The following GPC5 variants were observed in gnomAD, a reference collection of about 807,000 sequenced individuals.
GPC5 encodes the protein glypican-5.
GPC5 carries 47 observed loss-of-function variants against 53.9 expected under a neutral mutation model. That is an observed-to-expected ratio of 0.87 (90% CI 0.69 to 1.11). The LOEUF (loss-of-function observed/expected upper bound fraction) is 1.11. Among genes scored for constraint, GPC5 ranks in the 50% most tolerant of loss-of-function variants. GPC5 has a pLI of 0.00. For synonymous variants in GPC5, 286 were observed against 263.3 expected (o/e 1.09, Z -0.84); for missense variants, 748 against 713.1 (o/e 1.05, Z -0.56).
intron 5 of GPC5, among the ~76,000 whole-genome samples, chr13:91,870,807 A>C (rs2039135824): frequency 6.6e-6 from 1 of 152,224 alleles, no homozygotes; most frequent in Admixed American, 6.5e-5. Context: ...ATGTTAGAAG[A>C]ATACGGTCTT....
intron 3 of GPC5, among the ~76,000 whole-genome samples, chr13:91,694,289 T>C (rs1178186876): frequency 6.6e-6 from 1 of 152,206 alleles, no homozygotes; most frequent in Non-Finnish European, 1.5e-5. Context: ...AACTACTTAG[T>C]ATGGTACCTG....
chr13:92,772,660 C>CTT (rs1875654806), intron 7 of GPC5, among the ~76,000 whole-genome samples: 1 of 152,176 alleles, frequency 6.6e-6, no homozygotes, highest in Admixed American at 6.5e-5. Flanking sequence ...TTGATTCTGA[C>CTT]TTTCTCCATG....
At chr13:92,396,826 G>A (rs188499612) in intron 7 of GPC5, among the ~76,000 whole-genome samples, 1 of 152,184 alleles carries the variant, frequency 6.6e-6, no homozygotes, top group African/African-American at 2.4e-5. Flanking sequence ...CCTTTGCATA[G>A]CTCCTTATCC....
chr13:91,931,619 G>T (rs767545146), intron 6 of GPC5, among the ~76,000 whole-genome samples: 1 of 151,944 alleles, frequency 6.6e-6, no homozygotes, highest in South Asian at 2.1e-4. Flanking sequence ...ACCAAAGTTT[G>T]TTGGCTGCTC....
chr13:92,624,102 T>G (rs1027051013), intron 7 of GPC5, among the ~76,000 whole-genome samples: 2 of 148,844 alleles, frequency 1.3e-5, no homozygotes, highest in African/African-American at 2.5e-5. Context: ...TTAGATGAAG[T>G]CTTGCTCTGT....
chr13:92,649,344 CCAT>C (rs1261893063), intron 7 of GPC5, among the ~76,000 whole-genome samples: 1 of 152,024 alleles, frequency 6.6e-6, no homozygotes, highest in African/African-American at 2.4e-5. Flanking sequence ...ATAAATCTGT[CCAT>C]CATAGTAAGT....
intron 7 of GPC5, among the ~76,000 whole-genome samples, chr13:92,749,098 A>C (rs958742312): frequency 6.6e-6 from 1 of 152,146 alleles, no homozygotes; most frequent in Non-Finnish European, 1.5e-5. Flanking sequence ...ACACTGATCT[A>C]CTCTGGGACT....
chr13:91,804,496 CT>C (rs2038188975), intron 5 of GPC5, among the ~76,000 whole-genome samples: 1 of 152,192 alleles, frequency 6.6e-6, no homozygotes, highest in South Asian at 2.1e-4. Flanking sequence ...TTCTTGACAT[CT>C]TTTGCTTAAA....
chr13:91,879,689 G>A (rs1011131191), intron 5 of GPC5, among the ~76,000 whole-genome samples: 3 of 152,072 alleles, frequency 2.0e-5, no homozygotes, highest in African/African-American at 7.2e-5. Context: ...TCACATTGGC[G>A]GTTAGCATTT....
intron 6 of GPC5, among the ~76,000 whole-genome samples, chr13:91,917,352 G>A (rs1028456906): frequency 3.3e-5 from 5 of 152,168 alleles, no homozygotes; most frequent in African/African-American, 1.2e-4. Context: ...CATGGCCTTG[G>A]ACAAGTCCAC....
At chr13:92,710,404 A>T (rs965860576) in intron 7 of GPC5, among the ~76,000 whole-genome samples, 1 of 152,232 alleles carries the variant, frequency 6.6e-6, no homozygotes, top group Admixed American at 6.5e-5. Context: ...AAAGAAAAAA[A>T]GTTTTTAAAA....
Position 91,599,860 on chromosome 13 carries a change from C to G in GPC5, c.326-93327C>G, listed in dbSNP as rs147824231. Among the ~76,000 whole-genome samples the G allele has an allele frequency of 3.9e-5, 6 of 152,272 alleles. No individual in the cohort carries two copies. The East Asian group carries it at 1.2e-3, about 29-fold the overall frequency. On this transcript the variant is annotated intron_variant, in intron 2 of 7. Transcript: ENST00000377067. ...TGTCAAAACTGAAAATATTTGCGGG[C>G]TTATCTAATTAGTAGAAATAGTCCA...
At chr13:92,529,912 G>A (rs965187024) in intron 7 of GPC5, among the ~76,000 whole-genome samples, 2 of 151,856 alleles carry the variant, frequency 1.3e-5, no homozygotes, top group East Asian at 1.9e-4. Context: ...GAAGAACCCC[G>A]TCTCTACTAT....
In GPC5 at chr13:91,738,678, T is replaced by C. The variant is rs925427981; in HGVS notation, c.1154+10013T>C. The stretch of plus-strand genomic sequence containing the variant: ...ACTTTTTAAATTTGTATTTCTTTAT[T>C]CTCTTAATGGTTATTATAGAGATCA... On this transcript the variant is annotated intron_variant, in intron 4 of 7. Transcript: ENST00000377067. Among the ~76,000 whole-genome samples, 3 of 151,420 alleles carry C rather than the reference T, an allele frequency of 2.0e-5. 1 individual carries two copies. Among genetic ancestry groups the C allele is most frequent in the African/African-American group, 7.4e-5 (3 of 40,756 alleles).
rs150975053 is a variant in GPC5 at position 92,647,244 on chromosome 13, C to T, written c.1562-219038C>T. On this transcript the variant is annotated intron_variant, in intron 7 of 7. Transcript: ENST00000377067. ...TTTCACAATTTGCTATTATATTCAC[C>T]GTAGGTTTTGTCAACTTAAAAGTGT... Among the ~76,000 whole-genome samples the T allele has an allele frequency of 3.1e-3, 468 of 152,020 alleles. 3 individuals carry two copies. Among genetic ancestry groups the T allele is most frequent in the African/African-American group, 0.01 (432 of 41,472 alleles).
intron 5 of GPC5, among the ~76,000 whole-genome samples, chr13:91,758,807 T>G (rs1241836228): frequency 6.6e-6 from 1 of 152,128 alleles, no homozygotes; most frequent in African/African-American, 2.4e-5. Context: ...GAGACTCCAG[T>G]CTTTCGTGAA....
chr13:91,936,701 A>T (rs2139039164), intron 6 of GPC5, among the ~76,000 whole-genome samples: 1 of 152,070 alleles, frequency 6.6e-6, no homozygotes, highest in East Asian at 1.9e-4. Context: ...AGGATCTCAA[A>T]TAGATATCTC....
chr13:92,008,389 T>G (rs2138768907), intron 6 of GPC5, among the ~76,000 whole-genome samples: 1 of 152,210 alleles, frequency 6.6e-6, no homozygotes, highest in East Asian at 1.9e-4. Flanking sequence ...ACCTACAGAT[T>G]GAACATTTTT....
intron 7 of GPC5, among the ~76,000 whole-genome samples, chr13:92,380,234 A>G (rs2043727658): frequency 6.6e-6 from 1 of 152,142 alleles, no homozygotes; most frequent in Non-Finnish European, 1.5e-5. Context: ...CCAGTAAATG[A>G]TGCTCTTGGT....
Sources: allele counts gnomAD v4.1 joint callset (sites outside exome capture counted in the v4.1 genomes callset), GRCh38; gene constraint gnomAD v4.1.1; transcripts MANE v1.5; gene names NCBI Gene and HGNC (gene_info 2026-07-23, HGNC 2026-07-21).